The following C1QTNF12 variants were observed in gnomAD, a reference collection of about 807,000 sequenced individuals.
The protein encoded by C1QTNF12 is adipolin.
Under a neutral mutation model 34.3 loss-of-function variants are expected in C1QTNF12, and 39 were observed. The observed-to-expected ratio is 1.14, with a 90% CI of 0.88 to 1.49. C1QTNF12 has a LOEUF of 1.49. Among genes scored for constraint, C1QTNF12 ranks in the 40% most tolerant of loss-of-function variants. C1QTNF12 has a pLI of 0.00. For synonymous variants in C1QTNF12, 220 were observed against 196.9 expected (o/e 1.12, Z -0.98); for missense variants, 497 against 424.7 (o/e 1.17, Z -1.50).
Position 1,243,520 on chromosome 1 carries a change from G to C in C1QTNF12, c.564C>G (p.Ser188=), listed in dbSNP as rs141538052. Residue 188 remains serine (S), a synonymous_variant, in exon 5 of 8, where the codon TCC becomes TCG. Transcript: ENST00000330388. ...PAAQGAFLRG[S]GLSLASGRFT... The stretch of plus-strand genomic sequence containing the variant: ...ACCGACCCGAGGCCAGGCTCAGACC[G>C]GAGCCTCGCAGGAAGGCACCTTGGG... The C allele has an allele frequency of 6.4e-7, 1 of 1,555,558 alleles. No individual in the cohort carries two copies. Among genetic ancestry groups the C allele is most frequent in the Admixed American group, 1.9e-5 (1 of 52,112 alleles).
intron 1 of C1QTNF12, among the ~76,000 whole-genome samples, chr1:1,245,785 G>A (rs1197821193): frequency 2.6e-5 from 4 of 152,216 alleles, no homozygotes; most frequent in African/African-American, 9.6e-5. Flanking sequence ...CTGCAGCAGA[G>A]ACGCCCTCGG....
intron 5 of C1QTNF12, 86 bp downstream of exon 5, chr1:1,243,358 G>GCAC (rs1638792435): frequency 7.7e-7 from 1 of 1,301,998 alleles, no homozygotes; most frequent in Admixed American, 2.0e-5. Flanking sequence ...AACAGGACCC[G>GCAC]CACCCGGGGC....
At position 1,246,407 on chromosome 1, in the gene C1QTNF12, G is replaced by C. The variant is rs111517457; in HGVS notation, c.177+107C>G. 46 of 1,011,872 alleles carry C rather than the reference G, an allele frequency of 4.5e-5. No homozygotes were observed. Among genetic ancestry groups the C allele is most frequent in the Non-Finnish European group, 5.8e-5 (46 of 788,826 alleles). The allele number at this position is 1,011,872 out of a possible 1,614,324, so 62.7% of individuals were successfully genotyped here. A position where few individuals can be genotyped will look rare whatever the true frequency, so the allele number is the denominator to read the frequency against. On this transcript the variant is annotated intron_variant, in intron 1 of 7. Transcript: ENST00000330388. The surrounding 1 kb of genome is among the most constrained non-coding windows in gnomAD (Gnocchi z 4.5). Reference sequence around the variant, plus strand: ...CCGTGGCCGAGGCCTCGAAAAGGGCGACCCGGAGGCAGAGCCGGCAGGGAC... The same window carrying C: ...CCGTGGCCGAGGCCTCGAAAAGGGCCACCCGGAGGCAGAGCCGGCAGGGAC...
chr1:1,245,375 T>C lies in C1QTNF12; in HGVS notation c.178-878A>G, dbSNP rs532280638. ...GGACCCGGCGCCCTGGAGGGGCCTG[T>C]ACCTCAGCCTATCTGGGGGCTGAGA... On this transcript the variant is annotated intron_variant, in intron 1 of 7. Coordinates refer to ENST00000330388, the MANE Select transcript of C1QTNF12 (RefSeq NM_001014980.3). Among the ~76,000 whole-genome samples, 55 of 143,244 alleles carry C rather than the reference T, an allele frequency of 3.8e-4. 1 individual carries two copies. In the South Asian group the frequency reaches 4.3e-3, roughly 11 times the overall value. The allele number at this position is 143,244 out of a possible 152,430, so 94.0% of individuals were successfully genotyped here.
At chr1:1,244,343 C>A in intron 2 of C1QTNF12, 38 bp downstream of exon 2, 2 of 1,600,592 alleles carry the variant, frequency 1.2e-6, no homozygotes. Flanking sequence ...ACACCCTGTC[C>A]GGGGCTCAGA....
chr1:1,243,145 ACTGTGGT>A lies in C1QTNF12; in HGVS notation c.641_647del (p.Asp214ValfsTer107). 3.5e-6 allele frequency: 5 copies of A among 1,418,430 alleles called. No homozygotes were observed. Among genetic ancestry groups the A allele is most frequent in the Non-Finnish European group, 4.7e-6 (5 of 1,065,500 alleles). The allele number at this position is 1,418,430 out of a possible 1,614,324, so 87.9% of individuals were successfully genotyped here. On this transcript the variant is annotated frameshift_variant and splice_region_variant, in exon 6 of 8. Coordinates refer to ENST00000330388, the MANE Select transcript of C1QTNF12 (RefSeq NM_001014980.3). LOFTEE classifies it high-confidence loss of function. ...GCAGCCGGGCCTTGCCCTGCAGCTC[ACTGTGGT>A]CTGCGGAGAGAGCCCTGGGGAGGGT...
intron 7 of C1QTNF12, 41 bp downstream of exon 7, chr1:1,242,794 G>A: frequency 6.2e-7 from 1 of 1,605,950 alleles, no homozygotes; most frequent in Non-Finnish European, 8.5e-7. Context: ...CCCAGCCCGA[G>A]TGCACCCGAG....
chr1:1,244,135 A>G, intron 3 of C1QTNF12, 30 bp from the exon 4 acceptor site: 1 of 1,563,502 alleles, frequency 6.4e-7, no homozygotes. Context: ...GGCGGCCAGC[A>G]GGGTCAGCAC....
At position 1,246,564 on chromosome 1, in the gene C1QTNF12, T is replaced by TG. The variant is rs571313759; in HGVS notation, c.126dup (p.Asn43GlnfsTer25). 1.7e-3 allele frequency: 2,074 copies of TG among 1,244,536 alleles called. 16 individuals carry two copies. In the African/African-American group the frequency reaches 0.019, roughly 12 times the overall value. The allele number at this position is 1,244,536 out of a possible 1,614,324, so 77.1% of individuals were successfully genotyped here. On this transcript the variant is annotated frameshift_variant, in exon 1 of 8. Coordinates refer to ENST00000330388, the MANE Select transcript of C1QTNF12 (RefSeq NM_001014980.3). LOFTEE classifies it high-confidence loss of function. The surrounding 1 kb of genome is among the most constrained non-coding windows in gnomAD (Gnocchi z 4.5). ...CGGGAGGACGCGCTGGCGGTGGCGT[T>TG]GGGGGGATCTGCGCGCTGGCCAGGC...
chr1:1,244,014 C>T lies in C1QTNF12; in HGVS notation c.471G>A (p.Arg157=). 2 of 1,601,536 alleles carry T rather than the reference C, an allele frequency of 1.2e-6. No individual in the cohort carries two copies. The highest frequency in any genetic ancestry group is 2.2e-5 in the South Asian group (2 of 89,708). The change falls in exon 4 of 8, where the codon CGG becomes CGA. Residue 157 remains arginine (R), a synonymous_variant. Coordinates refer to ENST00000330388, the MANE Select transcript of C1QTNF12 (RefSeq NM_001014980.3). ...LRLVGEAFHC[R]LQGPRRVDKR... is the part of the protein sequence containing the mutation. ...TGTCCACCCGGCGGGGACCCTGCAG[C>T]CGGCAGTGAAAGGCCTCGCCCACCA... is the stretch of plus-strand genomic sequence containing the variant.
At position 1,246,388 on chromosome 1, in the gene C1QTNF12, C is replaced by T; in HGVS notation, c.177+126G>A. 1 of 783,904 alleles carries T rather than the reference C, an allele frequency of 1.3e-6. No homozygotes were observed. The allele number at this position is 783,904 out of a possible 1,614,324, so 48.6% of individuals were successfully genotyped here. On this transcript the variant is annotated intron_variant, in intron 1 of 7. Transcript: ENST00000330388. The surrounding 1 kb of genome is among the most constrained non-coding windows in gnomAD (Gnocchi z 4.5). ...GCAGATTCTCAAGGCGGGACCGTGG[C>T]CGAGGCCTCGAAAAGGGCGACCCGG...
intron 1 of C1QTNF12, among the ~76,000 whole-genome samples, chr1:1,244,927 C>T (rs1205113115): frequency 2.7e-4 from 8 of 29,824 alleles, no homozygotes; most frequent in African/African-American, 1.3e-3. Context: ...TCCTCTTCCC[C>T]CTCTTCCCCC....
In C1QTNF12 at chr1:1,246,417, C is replaced by A. The variant is rs181397402; in HGVS notation, c.177+97G>T. 5.9e-4 allele frequency: 632 copies of A among 1,069,152 alleles called. 5 individuals carry two copies. In the African/African-American group the frequency reaches 9.5e-3, roughly 16 times the overall value. The allele number at this position is 1,069,152 out of a possible 1,614,324, so 66.2% of individuals were successfully genotyped here. ...GGCCTCGAAAAGGGCGACCCGGAGGCAGAGCCGGCAGGGACAGAGCCTGCT... is the reference window on the plus strand; with the variant it reads ...GGCCTCGAAAAGGGCGACCCGGAGGAAGAGCCGGCAGGGACAGAGCCTGCT... On this transcript the variant is annotated intron_variant, in intron 1 of 7. Transcript: ENST00000330388. The surrounding 1 kb of genome is among the most constrained non-coding windows in gnomAD (Gnocchi z 4.5).
At position 1,242,854 on chromosome 1, in the gene C1QTNF12, T is replaced by C. The variant is rs1338422531; in HGVS notation, c.791A>G (p.Gln264Arg). 6.2e-7 allele frequency: 1 copy of C among 1,612,222 alleles called. No homozygotes were observed. Among genetic ancestry groups the C allele is most frequent in the Non-Finnish European group, 8.5e-7 (1 of 1,179,736 alleles). The change falls in exon 7 of 8, where the codon CAG becomes CGG. Residue 264 changes from glutamine (Q) to arginine (R), a missense_variant. Coordinates refer to ENST00000330388, the MANE Select transcript of C1QTNF12 (RefSeq NM_001014980.3). The part of the protein sequence containing the change: ...SNSRVFTLQV[Q>R]GLLQLQAGQY... ...ACTCACCTGCAGCTGCAGCAGCCCCTGCACCTGTAGCGTGAAGACCCTGCT... is the reference window on the plus strand; with the variant it reads ...ACTCACCTGCAGCTGCAGCAGCCCCCGCACCTGTAGCGTGAAGACCCTGCT...
chr1:1,243,382 C>T (rs989679802), intron 5 of C1QTNF12, 62 bp downstream of exon 5: 22 of 1,448,292 alleles, frequency 1.5e-5, no homozygotes, highest in East Asian at 2.5e-5. Flanking sequence ...CGATGCCAGG[C>T]GCCCCCAGAA....
intron 1 of C1QTNF12, among the ~76,000 whole-genome samples, chr1:1,245,300 A>G (rs1428350913): frequency 1.5e-4 from 8 of 51,948 alleles, no homozygotes; most frequent in Non-Finnish European, 2.5e-4. Flanking sequence ...CTCCTCAGGC[A>G]TCCGCTATCC....
intron 1 of C1QTNF12, among the ~76,000 whole-genome samples, chr1:1,245,607 C>CA (rs1192917213): frequency 6.6e-6 from 1 of 152,028 alleles, no homozygotes; most frequent in Non-Finnish European, 1.5e-5. Context: ...AAGACCCCCC[C>CA]ACTGCCCCGC....
chr1:1,246,681 AG>A lies in C1QTNF12; in HGVS notation c.9del (p.Trp4GlyfsTer70). On this transcript the variant is annotated frameshift_variant, in exon 1 of 8. Coordinates refer to ENST00000330388, the MANE Select transcript of C1QTNF12 (RefSeq NM_001014980.3). LOFTEE classifies it high-confidence loss of function. This position sits in a 1 kb window ranked among gnomAD's most constrained non-coding sequence, Gnocchi z 4.5. ...AGGACCACGACCGCGGCCCAGGCCC[AG>A]CGCCGCATGGCTCCGTCCCGAGGCG... MR[R>X]WAWAAVVVLL... 2.5e-6 allele frequency: 3 copies of A among 1,224,402 alleles called. No homozygotes were observed. The highest frequency in any genetic ancestry group is 3.1e-6 in the Non-Finnish European group (3 of 983,250). The allele number at this position is 1,224,402 out of a possible 1,614,324, so 75.8% of individuals were successfully genotyped here.
Position 1,246,667 on chromosome 1 carries a change from C to T in C1QTNF12, c.24G>A (p.Ala8=). 4.1e-6 allele frequency: 5 copies of T among 1,228,874 alleles called. No individual in the cohort carries two copies. Among genetic ancestry groups the T allele is most frequent in the Non-Finnish European group, 5.1e-6 (5 of 985,798 alleles). The allele number at this position is 1,228,874 out of a possible 1,614,324, so 76.1% of individuals were successfully genotyped here. Residue 8 remains alanine (A), a synonymous_variant, in exon 1 of 8, where the codon GCG becomes GCA. Coordinates refer to ENST00000330388, the MANE Select transcript of C1QTNF12 (RefSeq NM_001014980.3). This position sits in a 1 kb window ranked among gnomAD's most constrained non-coding sequence, Gnocchi z 4.5. MRRWAWA[A]VVVLLGPQLV... is the part of the protein sequence containing the mutation. ...GCTGCGGCCCGAGGAGGACCACGACCGCGGCCCAGGCCCAGCGCCGCATGG... is the reference window on the plus strand; with the variant it reads ...GCTGCGGCCCGAGGAGGACCACGACTGCGGCCCAGGCCCAGCGCCGCATGG...
Sources: gnomAD v4.1 joint callset for allele counts (sites outside exome capture counted in the v4.1 genomes callset) on GRCh38, gnomAD v4.1.1 for gene constraint, Gnocchi (gnomAD v3.1) non-coding constraint, MANE v1.5 for transcripts, NCBI Gene and HGNC (gene_info 2026-07-23, HGNC 2026-07-21) for gene names.